The following FBXL2 variants were observed in gnomAD, a reference collection of about 807,000 sequenced individuals.
FBXL2 encodes the protein F-box/LRR-repeat protein 2.
A neutral mutation model predicts 69.2 loss-of-function variants in FBXL2; 38 were observed. The ratio of observed to expected loss-of-function variants is 0.55; its 90% CI spans 0.42 to 0.72. The LOEUF (loss-of-function observed/expected upper bound fraction) is 0.72. Ranked by LOEUF, FBXL2 falls within the 30% of genes least tolerant of loss-of-function variation. FBXL2 has a pLI of 0.00. For synonymous variants in FBXL2, 192 were observed against 201.3 expected (o/e 0.95, Z 0.39); for missense variants, 354 against 520.3 (o/e 0.68, Z 3.11).
At chr3:33,359,114 C>A (rs2041425742) in intron 3 of FBXL2, 93 bp downstream of exon 3, 3 of 940,152 alleles carry the variant, frequency 3.2e-6, no homozygotes, top group African/African-American at 1.7e-5. Flanking sequence ...ATTTTATTAT[C>A]TTTTATACTT....
At chr3:33,320,600 C>A (rs113731262) in intron 2 of FBXL2, among the ~76,000 whole-genome samples, 1 of 151,860 alleles carries the variant, frequency 6.6e-6, no homozygotes, top group Non-Finnish European at 1.5e-5. Flanking sequence ...CCTGCCTCAG[C>A]GTCCTGAGTA....
chr3:33,377,540 C>T (rs900945482), intron 11 of FBXL2, among the ~76,000 whole-genome samples: 5 of 152,130 alleles, frequency 3.3e-5, no homozygotes, highest in Admixed American at 2.0e-4. Context: ...AGAGTCTGAG[C>T]CTCACGCGTG....
chr3:33,388,195 G>GAAAA (rs972188691), downstream of FBXL2: 8 of 151,960 alleles, frequency 5.3e-5, no homozygotes, highest in African/African-American at 1.9e-4. Context: ...TCAGCTTTCA[G>GAAAA]AAAATAAACT....
intron 5 of FBXL2, 21 bp downstream of exon 5, chr3:33,364,740 C>T (rs2041843049): frequency 6.4e-7 from 1 of 1,573,102 alleles, no homozygotes; most frequent in Admixed American, 1.7e-5. Context: ...TCCAGTGACT[C>T]ACTGTCATGG....
chr3:33,371,840 G>A (rs566937592), intron 5 of FBXL2, among the ~76,000 whole-genome samples: 9 of 152,194 alleles, frequency 5.9e-5, no homozygotes, highest in African/African-American at 2.2e-4. Flanking sequence ...GATTTGTTAG[G>A]TTGTACCAAA....
intron 2 of FBXL2, among the ~76,000 whole-genome samples, chr3:33,349,655 A>G (rs556584377): frequency 8.5e-5 from 13 of 152,266 alleles, no homozygotes; most frequent in African/African-American, 2.9e-4. Flanking sequence ...GTTTTTTGAA[A>G]TAGTTTGAGT....
intron 2 of FBXL2, among the ~76,000 whole-genome samples, chr3:33,344,173 A>T (rs1458581544): frequency 1.3e-5 from 2 of 152,108 alleles, no homozygotes; most frequent in Non-Finnish European, 2.9e-5. Context: ...TGTGACTTTT[A>T]TGGAGAAAAT....
At chr3:33,279,032 A>G (rs1482200307) in intron 1 of FBXL2, among the ~76,000 whole-genome samples, 1 of 152,136 alleles carries the variant, frequency 6.6e-6, no homozygotes, top group Non-Finnish European at 1.5e-5. Context: ...CTCATTCACT[A>G]TTGTGAATTT....
downstream of FBXL2, chr3:33,392,666 C>A: frequency 6.6e-7 from 1 of 1,507,378 alleles, no homozygotes; most frequent in Non-Finnish European, 9.1e-7. Flanking sequence ...ACTGTCGTTT[C>A]TTAAAATGAT....
At chr3:33,310,543 A>G (rs1262490226) in intron 2 of FBXL2, among the ~76,000 whole-genome samples, 1 of 152,118 alleles carries the variant, frequency 6.6e-6, no homozygotes, top group African/African-American at 2.4e-5. Context: ...GAATTTTACT[A>G]TGTATTTTTA....
chr3:33,393,359 C>A, intron 12 of FBXL2: 1 of 1,612,486 alleles, frequency 6.2e-7, no homozygotes, highest in South Asian at 1.1e-5. Context: ...TGTCTGTAAA[C>A]CTGATTAATT....
intron 2 of FBXL2, among the ~76,000 whole-genome samples, chr3:33,323,935 C>A (rs796423036): frequency 3.0e-4 from 46 of 152,250 alleles, no homozygotes; most frequent in African/African-American, 1.0e-3. Flanking sequence ...AGTGTAAGAG[C>A]GTTCCTATTT....
At chr3:33,313,103 A>T (rs1030914044) in intron 2 of FBXL2, among the ~76,000 whole-genome samples, 1 of 149,754 alleles carries the variant, frequency 6.7e-6, no homozygotes, top group Admixed American at 6.7e-5. Context: ...TGGGTGTCAG[A>T]GTGAGACTCC....
downstream of FBXL2, among the ~76,000 whole-genome samples, chr3:33,407,435 A>G (rs1309810684): frequency 1.3e-5 from 2 of 152,052 alleles, no homozygotes; most frequent in African/African-American, 4.8e-5. Flanking sequence ...ACTAAGAACC[A>G]TTGGTGGGTC....
intron 1 of FBXL2, among the ~76,000 whole-genome samples, chr3:33,291,860 T>C (rs1440104867): frequency 1.3e-5 from 2 of 152,212 alleles, no homozygotes; most frequent in Admixed American, 1.3e-4. Flanking sequence ...AAGACCATCA[T>C]CTCCAATTAA....
intron 2 of FBXL2, among the ~76,000 whole-genome samples, chr3:33,311,167 T>C (rs993395120): frequency 6.6e-6 from 1 of 152,226 alleles, no homozygotes; most frequent in Admixed American, 6.5e-5. Context: ...TGAAGTTTCC[T>C]TGTATGTGAT....
At chr3:33,341,989 CTTTCTTTTCTTTATCT>C (rs2040055752) in intron 2 of FBXL2, among the ~76,000 whole-genome samples, 2 of 147,880 alleles carry the variant, frequency 1.4e-5, no homozygotes, top group East Asian at 4.0e-4. Context: ...TGCAGTTTTC[CTTTCTTTTCTTTATCT>C]TTTTTTTTTT....
upstream of FBXL2, chr3:33,277,185 TA>T (rs751643485): frequency 0.03 from 8,609 of 287,336 alleles, no homozygotes; most frequent in Middle Eastern, 0.049. Flanking sequence ...ACGTTTTTTT[TA>T]AAAAAAAAAA....
rs2043467774 is a variant in FBXL2 at position 33,386,816 on chromosome 3, T to C, written c.*1208T>C. On this transcript the variant is annotated 3_prime_UTR_variant, in exon 15 of 15. Coordinates refer to ENST00000484457, the MANE Select transcript of FBXL2 (RefSeq NM_012157.5). ...TCTTTATTAAGAACCTGTCAATCAG[T>C]CATCACCACCTTCATTGTAAACTTA... The C allele has an allele frequency of 6.6e-6, 1 of 152,182 alleles. No individual in the cohort carries two copies. The highest frequency in any genetic ancestry group is 1.5e-5 in the Non-Finnish European group (1 of 68,044). The allele number at this position is 152,182 out of a possible 1,614,324, so 9.4% of individuals were successfully genotyped here.
Sources: allele counts gnomAD v4.1 joint callset (sites outside exome capture counted in the v4.1 genomes callset), GRCh38; gene constraint gnomAD v4.1.1; transcripts MANE v1.5; gene names NCBI Gene and HGNC (gene_info 2026-07-23, HGNC 2026-07-21).